Variants in GPM6A observed in about 807,000 individuals in gnomAD.
GPM6A encodes the protein glycoprotein M6A.
Under a neutral mutation model 32.1 loss-of-function variants are expected in GPM6A, and 7 were observed. The observed-to-expected ratio is 0.22, with a 90% CI of 0.12 to 0.41. The LOEUF (loss-of-function observed/expected upper bound fraction) is 0.41. Ranked by LOEUF, GPM6A falls within the 10% of genes least tolerant of loss-of-function variation. The pLI is 1.00. For synonymous variants in GPM6A, 130 were observed against 123.4 expected (o/e 1.05, Z -0.35); for missense variants, 235 against 347.2 (o/e 0.68, Z 2.57).
chr4:175,641,461 A>G (rs1741139511), intron 4 of GPM6A: 1 of 152,202 alleles, frequency 6.6e-6, no homozygotes. Context: ...AGAACACTGC[A>G]TTTTTAAAAC....
At chr4:175,734,879 T>G (rs1390954869) in intron 1 of GPM6A, among the ~76,000 whole-genome samples, 5 of 152,046 alleles carry the variant, frequency 3.3e-5, no homozygotes, top group African/African-American at 1.2e-4. Flanking sequence ...CTATAATATT[T>G]ACTTTACCAA....
At chr4:175,994,479 G>A (rs1332664492) in intron 1 of GPM6A, among the ~76,000 whole-genome samples, 1 of 152,110 alleles carries the variant, frequency 6.6e-6, no homozygotes, top group Admixed American at 6.5e-5. Context: ...TAAAAGTTAT[G>A]TTTACACTAT....
chr4:175,682,438 G>T (rs1399476688), intron 2 of GPM6A, among the ~76,000 whole-genome samples: 1 of 152,160 alleles, frequency 6.6e-6, no homozygotes, highest in African/African-American at 2.4e-5. Context: ...AGGACGTGGA[G>T]CAATCTCTTG....
intron 2 of GPM6A, among the ~76,000 whole-genome samples, chr4:175,674,923 C>A (rs977574975): frequency 2.6e-5 from 4 of 151,348 alleles, no homozygotes; most frequent in African/African-American, 9.7e-5. Flanking sequence ...AAAAAAACAC[C>A]ATGTGGCTAA....
intron 1 of GPM6A, among the ~76,000 whole-genome samples, chr4:175,914,784 A>G (rs1002628812): frequency 6.6e-6 from 1 of 152,132 alleles, no homozygotes; most frequent in Admixed American, 6.5e-5. Flanking sequence ...TCTTGCAGCT[A>G]TCTGTTTAAG....
At chr4:175,752,195 T>C (rs866092300) in intron 1 of GPM6A, among the ~76,000 whole-genome samples, 2 of 152,186 alleles carry the variant, frequency 1.3e-5, no homozygotes, top group Admixed American at 6.5e-5. Flanking sequence ...CCTTCTATCA[T>C]CATTTCTTGC....
intron 1 of GPM6A, among the ~76,000 whole-genome samples, chr4:175,805,162 G>T (rs1028103045): frequency 2.6e-5 from 4 of 151,670 alleles, no homozygotes; most frequent in Admixed American, 2.0e-4. Flanking sequence ...TCAAGTTTTG[G>T]GGGGAAGGTA....
intron 1 of GPM6A, among the ~76,000 whole-genome samples, chr4:175,717,179 T>A (rs1389161857): frequency 2.0e-5 from 3 of 152,150 alleles, no homozygotes; most frequent in Non-Finnish European, 4.4e-5. Context: ...TTCAATTCGT[T>A]GCAAACCAGC....
rs564926480 is a variant in GPM6A, at chr4:175,880,558, T to C, written c.-22-68309A>G. Among the ~76,000 whole-genome samples, 59 of 152,260 alleles carry C rather than the reference T, an allele frequency of 3.9e-4. No individual in the cohort carries two copies. In the East Asian group the frequency reaches 0.011, roughly 28 times the overall value. ...TCCATTTGTTTGTGTCCTCTTTTAT[T>C]TTGTTGAGTAGTGGTTTGCAGTTCT... On this transcript the variant is annotated intron_variant, in intron 1 of 7. Coordinates refer to the GPM6A transcript ENST00000280187.
At chr4:175,831,715 C>CTCTT (rs1553993666) in intron 1 of GPM6A, among the ~76,000 whole-genome samples, 45 of 69,952 alleles carry the variant, frequency 6.4e-4, no homozygotes, top group African/African-American at 2.4e-3. Context: ...TTAGCCATCT[C>CTCTT]TTTTTTTTTT....
chr4:175,673,658 T>G (rs1276608855), intron 3 of GPM6A, 22 bp downstream of exon 3: 1 of 1,561,072 alleles, frequency 6.4e-7, no homozygotes, highest in Non-Finnish European at 8.8e-7. Flanking sequence ...CATTAAATAC[T>G]GAATGTAGAG....
At chr4:175,652,781 G>A (rs112618749) in intron 3 of GPM6A, among the ~76,000 whole-genome samples, 51 of 152,236 alleles carry the variant, frequency 3.4e-4, no homozygotes, top group African/African-American at 1.2e-3. Context: ...ACATGTAGAT[G>A]TATGAATTAG....
At chr4:175,841,553 A>T (rs1735935123) in intron 1 of GPM6A, among the ~76,000 whole-genome samples, 1 of 152,234 alleles carries the variant, frequency 6.6e-6, no homozygotes, top group Admixed American at 6.5e-5. Flanking sequence ...CCCAGCAGAT[A>T]AACCTACTTG....
At chr4:175,876,346 C>G (rs1302283778) in intron 1 of GPM6A, among the ~76,000 whole-genome samples, 1 of 152,108 alleles carries the variant, frequency 6.6e-6, no homozygotes, top group Admixed American at 6.5e-5. Context: ...TGGCCAAAGT[C>G]ATAATTAAAA....
At chr4:175,945,691 T>A in intron 1 of GPM6A, among the ~76,000 whole-genome samples, 1 of 105,838 alleles carries the variant, frequency 9.4e-6, no homozygotes, top group Admixed American at 9.2e-5. Context: ...TAATATAACT[T>A]ATATTACTTG....
intron 1 of GPM6A, among the ~76,000 whole-genome samples, chr4:175,760,045 T>C (rs895524322): frequency 6.6e-6 from 1 of 152,068 alleles, no homozygotes; most frequent in Non-Finnish European, 1.5e-5. Context: ...CCGGGTGTGA[T>C]GGTGCATGCC....
At chr4:175,809,141 C>A (rs558130643) in intron 1 of GPM6A, among the ~76,000 whole-genome samples, 1 of 152,148 alleles carries the variant, frequency 6.6e-6, no homozygotes, top group African/African-American at 2.4e-5. Context: ...AAATCATTTA[C>A]GTATTTTCTC....
chr4:175,788,820 G>T (rs1338293156), intron 1 of GPM6A, among the ~76,000 whole-genome samples: 1 of 151,952 alleles, frequency 6.6e-6, no homozygotes, highest in Non-Finnish European at 1.5e-5. Context: ...TAAATAGAAT[G>T]AAGACATTAA....
chr4:175,965,011 T>A (rs1197272022), intron 1 of GPM6A, among the ~76,000 whole-genome samples: 1 of 152,164 alleles, frequency 6.6e-6, no homozygotes, highest in Non-Finnish European at 1.5e-5. Flanking sequence ...CAATCTGCAA[T>A]TGAAAGTTAT....
Sources: allele counts gnomAD v4.1 joint callset (sites outside exome capture counted in the v4.1 genomes callset), GRCh38; gene constraint gnomAD v4.1.1; transcripts MANE v1.5; gene names NCBI Gene and HGNC (gene_info 2026-07-23, HGNC 2026-07-21).